CD2AP: variants seen among roughly 807,000 people sequenced by gnomAD.
The protein encoded by CD2AP is CD2-associated protein.
A neutral mutation model predicts 85.1 loss-of-function variants in CD2AP; 46 were observed. That is an observed-to-expected ratio of 0.54 (90% CI 0.43 to 0.69). The LOEUF (loss-of-function observed/expected upper bound fraction) is 0.69. Ranked by LOEUF, CD2AP falls within the 30% of genes least tolerant of loss-of-function variation. The probability of loss-of-function intolerance (pLI) is 0.00; values close to 1 mark genes in which losing one functional copy is unlikely to be tolerated. For missense variants in CD2AP, 769 were observed against 729.5 expected (o/e 1.05, Z -0.62); for synonymous variants, 255 against 252.9 (o/e 1.01, Z -0.08).
intron 11 of CD2AP, among the ~76,000 whole-genome samples, chr6:47,593,061 C>A (rs79958323): frequency 0.016 from 2,384 of 152,094 alleles, 44 homozygotes; most frequent in African/African-American, 0.039. Flanking sequence ...TGATGCTAAC[C>A]CCAGAAAGAC....
chr6:47,549,701 A>G (rs1017691791), intron 4 of CD2AP, among the ~76,000 whole-genome samples: 2 of 152,104 alleles, frequency 1.3e-5, no homozygotes, highest in Non-Finnish European at 2.9e-5. Context: ...ACAGAATTAG[A>G]AAAAACAATT....
chr6:47,521,463 A>G (rs1766592913), intron 2 of CD2AP, among the ~76,000 whole-genome samples: 1 of 151,824 alleles, frequency 6.6e-6, no homozygotes. Context: ...GAGGCAGGAG[A>G]AGTGCTTGAA....
intron 17 of CD2AP, among the ~76,000 whole-genome samples, chr6:47,623,690 T>A (rs1288693044): frequency 6.6e-6 from 1 of 152,164 alleles, no homozygotes; most frequent in African/African-American, 2.4e-5. Context: ...AGATATTTAA[T>A]GTAGTATATA....
At chr6:47,519,603 T>A (rs1200786078) in intron 2 of CD2AP, among the ~76,000 whole-genome samples, 1 of 152,216 alleles carries the variant, frequency 6.6e-6, no homozygotes, top group African/African-American at 2.4e-5. Flanking sequence ...CTGTTAGGAT[T>A]GTTTGGTAGC....
In CD2AP at chr6:47,574,242, A is replaced by G. The variant is rs1318911509; in HGVS notation, c.720A>G (p.Lys240=). 2.5e-6 allele frequency: 4 copies of G among 1,613,684 alleles called. No individual in the cohort carries two copies. The highest frequency in any genetic ancestry group is 2.2e-5 in the South Asian group (2 of 91,072). The change falls in exon 6 of 18, where the codon AAA becomes AAG. Residue 240 remains lysine, a synonymous_variant. Transcript: ENST00000359314. ...RTSSSETEEK[K]PEKPLILQSL... is the part of the protein sequence containing the mutation. ...CCAGTAGTGAAACAGAAGAGAAAAA[A>G]CCAGAAAAGGTGGTAATGATGGACT...
At chr6:47,497,870 TCA>T (rs1765905389) in intron 1 of CD2AP, among the ~76,000 whole-genome samples, 1 of 152,234 alleles carries the variant, frequency 6.6e-6, no homozygotes, top group South Asian at 2.1e-4. Context: ...TGCTTTTCTC[TCA>T]GATACCTCCT....
At chr6:47,524,529 A>G (rs1582512842) in intron 2 of CD2AP, among the ~76,000 whole-genome samples, 1 of 152,358 alleles carries the variant, frequency 6.6e-6, no homozygotes, top group East Asian at 1.9e-4. Flanking sequence ...TGTGACCATT[A>G]TAAAATATTG....
At chr6:47,617,814 G>C (rs1015818766) in intron 17 of CD2AP, among the ~76,000 whole-genome samples, 5 of 152,084 alleles carry the variant, frequency 3.3e-5, no homozygotes, top group Admixed American at 6.5e-5. Flanking sequence ...TACTATATGA[G>C]GTGTTTTTAT....
intron 3 of CD2AP, among the ~76,000 whole-genome samples, chr6:47,543,148 CAAAAAAAA>C (rs11338409): frequency 1.2e-4 from 7 of 60,334 alleles, no homozygotes; most frequent in East Asian, 9.4e-4. Context: ...AAGACTGTCT[CAAAAAAAA>C]AAAAAAAAAA....
intron 5 of CD2AP, among the ~76,000 whole-genome samples, chr6:47,555,788 T>C (rs1382026692): frequency 2.0e-5 from 3 of 148,780 alleles, no homozygotes; most frequent in African/African-American, 7.5e-5. Context: ...GTTTTTTTGT[T>C]TGCAAAACAG....
intron 1 of CD2AP, among the ~76,000 whole-genome samples, chr6:47,496,909 C>T (rs1241208049): frequency 6.6e-6 from 1 of 152,162 alleles, no homozygotes; most frequent in Non-Finnish European, 1.5e-5. Context: ...TTTCTAGCAA[C>T]TAATAGTGTA....
chr6:47,577,095 ATAAG>A lies in CD2AP; in HGVS notation c.900_903del (p.Ser300ArgfsTer28), dbSNP rs1391541938. 1.3e-6 allele frequency: 2 copies of A among 1,486,536 alleles called. No individual in the cohort carries two copies. Among genetic ancestry groups the A allele is most frequent in the Non-Finnish European group, 1.9e-6 (2 of 1,064,238 alleles). 92.1% of individuals were successfully genotyped at this position (1,486,536 alleles called of 1,614,324 possible). A position where few individuals can be genotyped will look rare whatever the true frequency, so the allele number is the denominator to read the frequency against. ...TAAAGAGGGGGAGATAATCCATTTG[ATAAG>A]TAAGGTAAGGTGTTTCTGTTTTTCA... On this transcript the variant is annotated frameshift_variant, in exon 8 of 18. Transcript: ENST00000359314. LOFTEE classifies it high-confidence loss of function.
intron 2 of CD2AP, among the ~76,000 whole-genome samples, chr6:47,530,398 A>G (rs1354334428): frequency 6.6e-6 from 1 of 152,136 alleles, no homozygotes; most frequent in East Asian, 1.9e-4. Context: ...CGACAAAACC[A>G]TTTATCTGCT....
At chr6:47,583,630 A>G (rs541055790) in intron 11 of CD2AP, among the ~76,000 whole-genome samples, 22 of 152,284 alleles carry the variant, frequency 1.4e-4, no homozygotes, top group Admixed American at 1.3e-3. Flanking sequence ...TAATATTTCA[A>G]TGTCTTTATA....
At chr6:47,522,475 A>T (rs2114008390) in intron 2 of CD2AP, among the ~76,000 whole-genome samples, 1 of 152,320 alleles carries the variant, frequency 6.6e-6, no homozygotes, top group African/African-American at 2.4e-5. Flanking sequence ...TGGATATGTT[A>T]ACAGAAGGTG....
chr6:47,613,508 C>CT (rs34881852), intron 17 of CD2AP, among the ~76,000 whole-genome samples: 42,482 of 146,982 alleles, frequency 0.29, 6,239 homozygotes, highest in African/African-American at 0.37. Context: ...AAAAATAATC[C>CT]TTTTTTTTTT....
At chr6:47,598,219 G>A (rs1034493773) in intron 12 of CD2AP, among the ~76,000 whole-genome samples, 2 of 150,910 alleles carry the variant, frequency 1.3e-5, no homozygotes, top group African/African-American at 4.8e-5. Flanking sequence ...ACTTCTGCAA[G>A]AATGGCCATA....
chr6:47,612,768 A>G (rs955912568), intron 17 of CD2AP, among the ~76,000 whole-genome samples: 3 of 152,150 alleles, frequency 2.0e-5, no homozygotes, highest in African/African-American at 4.8e-5. Flanking sequence ...GAGAAACTGC[A>G]TGTTCCCACT....
intron 3 of CD2AP, among the ~76,000 whole-genome samples, chr6:47,540,651 G>A (rs1421692354): frequency 6.6e-6 from 1 of 151,962 alleles, no homozygotes; most frequent in Admixed American, 6.6e-5. Context: ...TAAAGCTCTT[G>A]GGTAAAATAT....
Sources: allele counts gnomAD v4.1 joint callset (sites outside exome capture counted in the v4.1 genomes callset), GRCh38; gene constraint gnomAD v4.1.1; transcripts MANE v1.5; gene names NCBI Gene and HGNC (gene_info 2026-07-23, HGNC 2026-07-21).